The following DDX52 variants were observed in gnomAD, a reference collection of about 807,000 sequenced individuals.
DDX52 encodes the protein DExD-box helicase 52.
In DDX52, 59 loss-of-function variants were observed where a neutral mutation model predicts 76.1. The observed-to-expected ratio is 0.78, with a 90% CI of 0.63 to 0.96. The LOEUF (loss-of-function observed/expected upper bound fraction) is 0.96, where lower values mean the gene tolerates loss of function less well. Among genes scored for constraint, DDX52 ranks in the 40% least tolerant of loss-of-function variants. DDX52 has a pLI of 0.00. For synonymous variants in DDX52, 231 were observed against 244.1 expected (o/e 0.95, Z 0.50); for missense variants, 707 against 703.9 (o/e 1.00, Z -0.05).
chr17:37,634,423 G>C (rs2030834303), intron 2 of DDX52, among the ~76,000 whole-genome samples: 1 of 151,830 alleles, frequency 6.6e-6, no homozygotes, highest in African/African-American at 2.4e-5. Flanking sequence ...CCTGAGGTCA[G>C]GAGTTTAAGA....
Position 37,620,900 on chromosome 17 carries a change from G to A in DDX52, c.1550C>T (p.Thr517Ile). Residue 517 changes from threonine (T) to isoleucine (I), a missense_variant, in exon 12 of 15, where the codon ACT becomes ATT. Physicochemically the swap from Thr to Ile is moderately conservative, Grantham distance 89 (BLOSUM62 -1). Transcript: ENST00000617633. Reference sequence around the variant, plus strand: ...TCTTAATAATGGCTTATCATCCTCAGTGAAAAATGTAATTGCTTTTCCCTT... The same window carrying A: ...TCTTAATAATGGCTTATCATCCTCAATGAAAAATGTAATTGCTTTTCCCTT... Reference protein sequence around the residue: ...GNKGKAITFFTEDDKPLLRSV... With the variant: ...GNKGKAITFFIEDDKPLLRSV... 4 of 1,594,076 alleles carry A rather than the reference G, an allele frequency of 2.5e-6. No homozygotes were observed. The highest frequency in any genetic ancestry group is 2.6e-6 in the Non-Finnish European group (3 of 1,174,986).
intron 8 of DDX52, 71 bp from the exon 9 acceptor site, chr17:37,624,505 G>T: frequency 8.3e-7 from 1 of 1,207,108 alleles, no homozygotes; most frequent in Non-Finnish European, 1.1e-6. Flanking sequence ...CTAAATAAAT[G>T]AAAAAATTTA....
chr17:37,615,278 C>G (rs986036788), intron 14 of DDX52, among the ~76,000 whole-genome samples: 6 of 152,196 alleles, frequency 3.9e-5, no homozygotes, highest in Non-Finnish European at 7.3e-5. Flanking sequence ...ATGGCCTTTA[C>G]ATATGAAGAA....
At chr17:37,622,698 G>A (rs769916454) in intron 9 of DDX52, among the ~76,000 whole-genome samples, 35 of 152,186 alleles carry the variant, frequency 2.3e-4, no homozygotes, top group South Asian at 1.9e-3. Flanking sequence ...AAAATCTTAC[G>A]TATAATTTTA....
intron 7 of DDX52, 143 bp downstream of exon 7, chr17:37,626,645 A>G: frequency 1.3e-6 from 1 of 755,854 alleles, no homozygotes; most frequent in South Asian, 1.7e-5. Flanking sequence ...GAATTTTTTT[A>G]AAAAACCATT....
rs1340398255 is a variant in DDX52 at position 37,633,305 on chromosome 17, T to G, written c.400A>C (p.Asn134His). The G allele has an allele frequency of 8.1e-6, 13 of 1,605,000 alleles. No individual in the cohort carries two copies. The highest frequency in any genetic ancestry group is 1.1e-5 in the Non-Finnish European group (13 of 1,177,376). ...ESKLTSGKLE[N>H]LRKEKINFLR... ...TTTCTAACCTTTTCTTTTCTGAGAT[T>G]CTCCAACTTTCCGGAAGTTAGTTTA... is the stretch of plus-strand genomic sequence containing the variant. Residue 134 changes from asparagine to histidine, a missense_variant, in exon 3 of 15, where the codon AAT becomes CAT. Physicochemically the swap from Asn to His is moderately conservative, Grantham distance 68. Transcript: ENST00000617633.
In DDX52 at chr17:37,619,764, G is replaced by T. The variant is rs756380847; in HGVS notation, c.1649+4C>A. The T allele has an allele frequency of 6.2e-7, 1 of 1,604,960 alleles. No individual in the cohort carries two copies. The highest frequency in any genetic ancestry group is 1.3e-5 in the African/African-American group (1 of 74,574). ...CAAAGATACAGGTAAATTCAAGATT[G>T]TACCTTAGTAGTTTCTGAAAACCTT... On this transcript the variant is annotated splice_donor_region_variant and intron_variant, in intron 13 of 14. Coordinates refer to ENST00000617633, the MANE Select transcript of DDX52 (RefSeq NM_007010.5).
chr17:37,614,829 T>C (rs1363382338), intron 14 of DDX52: 1 of 153,326 alleles, frequency 6.5e-6, no homozygotes, highest in Non-Finnish European at 1.5e-5. Context: ...TATAGCCTAG[T>C]GAAGGTTGAA....
chr17:37,640,787 A>G (rs2031157168), intron 2 of DDX52, among the ~76,000 whole-genome samples: 2 of 151,696 alleles, frequency 1.3e-5, no homozygotes, highest in Admixed American at 6.6e-5. Flanking sequence ...GGAGTTCAAG[A>G]CCAGCATGAC....
intron 2 of DDX52, 128 bp from the exon 3 acceptor site, chr17:37,633,546 CT>C: frequency 1.7e-6 from 1 of 605,728 alleles, no homozygotes; most frequent in Non-Finnish European, 2.3e-6. Flanking sequence ...GTCCCAGCTA[CT>C]TAGGAGGCTG....
rs202221290 is a variant in DDX52, at chr17:37,616,731, CTTA to C, written c.1742+1558_1742+1560del. On this transcript the variant is annotated intron_variant, in intron 14 of 14. Coordinates refer to ENST00000617633, the MANE Select transcript of DDX52 (RefSeq NM_007010.5). Reference sequence around the variant, plus strand: ...TGAATAAGTACAAATGGAATTTGTACTTATTGATTGATTGACTATTCAAATATA... The same window carrying C: ...TGAATAAGTACAAATGGAATTTGTACTTGATTGATTGACTATTCAAATATA... Among the ~76,000 whole-genome samples the C allele has an allele frequency of 5.7e-4, 87 of 151,690 alleles. 2 individuals are homozygous for C. The East Asian group carries it at 0.016, about 28-fold the overall frequency.
chr17:37,638,925 A>G (rs531500982), intron 2 of DDX52, among the ~76,000 whole-genome samples: 1 of 151,878 alleles, frequency 6.6e-6, no homozygotes. Flanking sequence ...GTGCACCACC[A>G]TATCTGGCTA....
At position 37,643,391 on chromosome 17, in the gene DDX52, G is replaced by A; in HGVS notation, c.30C>T (p.Leu10=). The A allele has an allele frequency of 6.2e-7, 1 of 1,613,986 alleles. No individual in the cohort carries two copies. The highest frequency in any genetic ancestry group is 8.5e-7 in the Non-Finnish European group (1 of 1,179,904). Residue 10 remains leucine, a synonymous_variant, in exon 1 of 15, where the codon CTC becomes CTT. Transcript: ENST00000617633. MDVHDLFRR[L]GAGAKFDTRR... ...TCGTGTCGAATTTGGCCCCCGCGCC[G>A]AGCCGGCGAAAGAGATCGTGGACGT...
chr17:37,629,674 AAAAC>A (rs1255914864), intron 5 of DDX52, among the ~76,000 whole-genome samples: 3 of 152,230 alleles, frequency 2.0e-5, no homozygotes, highest in Non-Finnish European at 2.9e-5. Context: ...CTGTGGCTAA[AAAAC>A]AAACAAATAA....
At chr17:37,631,072 A>G (rs1006384494) in intron 4 of DDX52, 1 of 152,230 alleles carries the variant, frequency 6.6e-6, no homozygotes, top group Non-Finnish European at 1.5e-5. Flanking sequence ...TTCATCTCTC[A>G]AAGAAAATGA....
intron 9 of DDX52, among the ~76,000 whole-genome samples, chr17:37,622,502 GTCA>G (rs1243924722): frequency 6.6e-6 from 1 of 151,632 alleles, no homozygotes; most frequent in Non-Finnish European, 1.5e-5. Context: ...CACCATGTTG[GTCA>G]GGCTGGTCTC....
intron 3 of DDX52, 81 bp downstream of exon 3, chr17:37,633,207 C>A: frequency 7.2e-7 from 1 of 1,391,876 alleles, no homozygotes. Context: ...TTCACATTAA[C>A]AACAGAATAA....
intron 9 of DDX52, among the ~76,000 whole-genome samples, chr17:37,622,346 T>C (rs1470753986): frequency 6.6e-6 from 1 of 151,588 alleles, no homozygotes; most frequent in Non-Finnish European, 1.5e-5. Context: ...CAGGCTGGAA[T>C]ACAGTGGTGC....
Position 37,633,388 on chromosome 17 carries a change from A to T in DDX52, c.317T>A (p.Ile106Lys), listed in dbSNP as rs775970400. The change falls in exon 3 of 15, where the codon ATA (isoleucine) becomes AAA (lysine). Residue 106 changes from isoleucine to lysine, a missense_variant. Physicochemically the swap from Ile to Lys is moderately radical, Grantham distance 102 (BLOSUM62 -3). Coordinates refer to ENST00000617633, the MANE Select transcript of DDX52 (RefSeq NM_007010.5). The part of the protein sequence containing the change: ...EIASQEEGAT[I>K]QWMSSVEAKI... ...TGCTTCTACAGATGACATCCACTGT[A>T]TAGTAGCACCTTCTTCTTGGGAAGC... 13 of 1,591,202 alleles carry T rather than the reference A, an allele frequency of 8.2e-6. No individual in the cohort carries two copies. The Admixed American group carries it at 2.3e-4, about 28-fold the overall frequency.
Sources: allele counts gnomAD v4.1 joint callset (sites outside exome capture counted in the v4.1 genomes callset), GRCh38; gene constraint gnomAD v4.1.1; transcripts MANE v1.5; gene names NCBI Gene and HGNC (gene_info 2026-07-23, HGNC 2026-07-21).